Variants in TIPIN observed in about 807,000 individuals in gnomAD.
TIPIN encodes TIMELESS-interacting protein.
TIPIN carries 29 observed loss-of-function variants against 35.6 expected under a neutral mutation model. That is an observed-to-expected ratio of 0.82 (90% confidence interval 0.61 to 1.11). The LOEUF is 1.11. TIPIN is among the 50% of genes most tolerant of loss of function. The pLI is 0.00. For synonymous variants in TIPIN, 102 were observed against 121.5 expected (o/e 0.84, Z 1.06); for missense variants, 296 against 345.4 (o/e 0.86, Z 1.13).
At chr15:66,379,783 G>A (rs1595823274) in intron 1 of TIPIN, 2 of 1,602,202 alleles carry the variant, frequency 1.2e-6, no homozygotes, top group South Asian at 1.1e-5. Context: ...AGAAGACTGA[G>A]TTCTACATTG....
intron 1 of TIPIN, among the ~76,000 whole-genome samples, chr15:66,362,603 C>T (rs1033067504): frequency 3.3e-5 from 5 of 151,830 alleles, no homozygotes; most frequent in Non-Finnish European, 7.4e-5. Context: ...TGCCAGTAGT[C>T]TCAGCTGCTC....
At chr15:66,338,114 G>A (rs2140435921) in intron 7 of TIPIN, among the ~76,000 whole-genome samples, 1 of 152,052 alleles carries the variant, frequency 6.6e-6, no homozygotes, top group South Asian at 2.1e-4. Context: ...AAATTAGCCG[G>A]ACATGGTGGA....
At chr15:66,341,068 T>G in intron 7 of TIPIN, 82 bp downstream of exon 7, 1 of 1,239,128 alleles carries the variant, frequency 8.1e-7, no homozygotes, top group South Asian at 1.4e-5. Flanking sequence ...TATTTTATTT[T>G]GGGGGCTAGC....
chr15:66,349,541 TTTTATA>T (rs1279745097), intron 4 of TIPIN, 104 bp from the exon 5 acceptor site: 19 of 1,425,266 alleles, frequency 1.3e-5, no homozygotes, highest in Non-Finnish European at 1.8e-5. Flanking sequence ...ACTGGGGTCA[TTTTATA>T]TTTATAAGGT....
chr15:66,384,260 G>A (rs2093328614), intron 1 of TIPIN, among the ~76,000 whole-genome samples: 1 of 150,200 alleles, frequency 6.7e-6, no homozygotes, highest in South Asian at 2.1e-4. Context: ...GCCTCCCAAA[G>A]TGCTGGGATT....
intron 7 of TIPIN, among the ~76,000 whole-genome samples, chr15:66,338,327 G>C (rs561611970): frequency 6.6e-6 from 1 of 152,118 alleles, no homozygotes. Context: ...ATGTCAGAGT[G>C]ATCCATAAGA....
intron 1 of TIPIN, among the ~76,000 whole-genome samples, chr15:66,353,866 C>T (rs1256765798): frequency 2.0e-5 from 3 of 151,658 alleles, no homozygotes; most frequent in Non-Finnish European, 2.9e-5. Flanking sequence ...TAAGACATGC[C>T]GGTAATCCCA....
rs368192692 is a variant in TIPIN, at chr15:66,379,813, G to A, written c.-9+6794C>T. 3.3e-4 allele frequency: 526 copies of A among 1,598,180 alleles called. 3 individuals carry two copies. In the African/African-American group the frequency reaches 4.2e-3, roughly 13 times the overall value. ...ACATTGATGTGATTGAAGTCCCTCC[G>A]CAGGGTTCCTCTGGGGCCATTCACG... On this transcript the variant is annotated intron_variant, in intron 1 of 7. Coordinates refer to the TIPIN transcript ENST00000562124.
intron 1 of TIPIN, among the ~76,000 whole-genome samples, chr15:66,373,553 C>T (rs2093285286): frequency 6.6e-6 from 1 of 151,562 alleles, no homozygotes; most frequent in Admixed American, 6.6e-5. Flanking sequence ...TATTTTGGGT[C>T]ACAGGGAAGA....
chr15:66,359,339 C>T (rs2093221458), upstream of TIPIN, among the ~76,000 whole-genome samples: 1 of 151,816 alleles, frequency 6.6e-6, no homozygotes, highest in Non-Finnish European at 1.5e-5. Flanking sequence ...ATAAAATTAA[C>T]ATAAATTTAG....
At chr15:66,353,508 C>T (rs768465676) in intron 1 of TIPIN, among the ~76,000 whole-genome samples, 1 of 151,016 alleles carries the variant, frequency 6.6e-6, no homozygotes, top group Non-Finnish European at 1.5e-5. Flanking sequence ...CCCATCCACT[C>T]GGCAGGCTGG....
intron 1 of TIPIN, among the ~76,000 whole-genome samples, chr15:66,370,918 G>GT (rs2093275445): frequency 6.6e-6 from 1 of 152,068 alleles, no homozygotes; most frequent in Non-Finnish European, 1.5e-5. Flanking sequence ...GGATGAAAGT[G>GT]TATCAAGCAA....
chr15:66,357,443 A>T (rs1267300784), upstream of TIPIN, among the ~76,000 whole-genome samples: 1 of 151,650 alleles, frequency 6.6e-6, no homozygotes, highest in East Asian at 2.0e-4. Context: ...GACACTGGCC[A>T]GGTGCGGTGT....
chr15:66,380,522 A>G (rs773020353), intron 1 of TIPIN, among the ~76,000 whole-genome samples: 2 of 152,026 alleles, frequency 1.3e-5, no homozygotes, highest in Non-Finnish European at 2.9e-5. Context: ...TGACAAAACA[A>G]TAGAGATCTG....
chr15:66,359,174 GACAC>G (rs144363122), upstream of TIPIN, among the ~76,000 whole-genome samples: 1,412 of 134,850 alleles, frequency 0.01, 29 homozygotes, highest in African/African-American at 0.033. Context: ...CACACACACA[GACAC>G]ACACACACAC....
At chr15:66,354,431 C>A (rs1402340452) in intron 1 of TIPIN, among the ~76,000 whole-genome samples, 1 of 152,184 alleles carries the variant, frequency 6.6e-6, no homozygotes, top group Non-Finnish European at 1.5e-5. Flanking sequence ...CTGTCTATTT[C>A]TCCTTATCTC....
chr15:66,377,643 G>A (rs1305642907), intron 1 of TIPIN, among the ~76,000 whole-genome samples: 5 of 150,924 alleles, frequency 3.3e-5, no homozygotes, highest in African/African-American at 1.2e-4. Flanking sequence ...GATTACAGGC[G>A]TGAGCCACAG....
chr15:66,382,533 CCTGT>C (rs1843612418), intron 1 of TIPIN, among the ~76,000 whole-genome samples: 2 of 152,092 alleles, frequency 1.3e-5, no homozygotes, highest in Non-Finnish European at 2.9e-5. Flanking sequence ...TGCCACTATG[CCTGT>C]CTAATATTTG....
At chr15:66,382,792 G>C (rs1030954531) in intron 1 of TIPIN, 2 of 325,506 alleles carry the variant, frequency 6.1e-6, no homozygotes, top group African/African-American at 2.2e-5. Flanking sequence ...AGAGCAACCT[G>C]ATATGGTTCA....
Sources: allele counts gnomAD v4.1 joint callset (sites outside exome capture counted in the v4.1 genomes callset), GRCh38; gene constraint gnomAD v4.1.1; transcripts MANE v1.5; gene names NCBI Gene and HGNC (gene_info 2026-07-23, HGNC 2026-07-21).